LINGO2: variants seen among roughly 807,000 people sequenced by gnomAD.
LINGO2 encodes leucine rich repeat and Ig domain containing 2.
LINGO2 carries 14 observed loss-of-function variants against 30.6 expected under a neutral mutation model. That is an observed-to-expected ratio of 0.46 (90% CI 0.30 to 0.72). The LOEUF is 0.72. Ranked by LOEUF, LINGO2 falls within the 30% of genes least tolerant of loss-of-function variation. The pLI is 0.07. For missense variants in LINGO2, 729 were observed against 751.7 expected (o/e 0.97, Z 0.35); for synonymous variants, 317 against 288.5 (o/e 1.10, Z -1.00).
the LINGO2 span, among the ~76,000 whole-genome samples, chr9:28,928,352 G>C: frequency 2.0e-5 from 3 of 152,148 alleles, no homozygotes; most frequent in East Asian, 5.8e-4. Context: ...CTTTAAATTA[G>C]TATCAATATT....
In LINGO2 at chr9:28,172,167, G is replaced by A. The variant is rs553517946; in HGVS notation, c.-87+123041C>T. ...AGCACTTTGGGAGGCCGAGGCGGGC[G>A]GATCACGAGGTCAGGAGATCGAGAC... On this transcript the variant is annotated intron_variant, in intron 4 of 5. Transcript: ENST00000379992. Among the ~76,000 whole-genome samples, 32 of 151,086 alleles carry A rather than the reference G, an allele frequency of 2.1e-4. No homozygotes were observed. The South Asian group carries it at 4.2e-3, about 20-fold the overall frequency.
the LINGO2 span, among the ~76,000 whole-genome samples, chr9:29,122,597 T>A: frequency 2.6e-5 from 4 of 152,184 alleles, no homozygotes; most frequent in Non-Finnish European, 4.4e-5. Flanking sequence ...AACATCATAA[T>A]CTTTTTATTT....
the LINGO2 span, among the ~76,000 whole-genome samples, chr9:29,028,012 C>A: frequency 6.6e-6 from 1 of 152,218 alleles, no homozygotes; most frequent in South Asian, 2.1e-4. Flanking sequence ...CCTGATAATT[C>A]AGGCAAATAG....
chr9:28,364,973 G>C, intron 3 of LINGO2, among the ~76,000 whole-genome samples: 1 of 152,094 alleles, frequency 6.6e-6, no homozygotes, highest in Middle Eastern at 3.2e-3. Flanking sequence ...AGAAGAATAG[G>C]ATGCTTTTAT....
chr9:28,894,263 A>G, the LINGO2 span, among the ~76,000 whole-genome samples: 1 of 152,100 alleles, frequency 6.6e-6, no homozygotes. Flanking sequence ...TTGGGTATAT[A>G]CCCAGTTTGA....
chr9:29,033,381 T>C, the LINGO2 span, among the ~76,000 whole-genome samples: 1 of 147,408 alleles, frequency 6.8e-6, no homozygotes, highest in African/African-American at 2.5e-5. Context: ...TGCTTTACTA[T>C]ATATATATAT....
the LINGO2 span, among the ~76,000 whole-genome samples, chr9:28,757,242 A>G: frequency 6.6e-6 from 1 of 152,008 alleles, no homozygotes; most frequent in Non-Finnish European, 1.5e-5. Flanking sequence ...TATGACTCAG[A>G]TGTCAATTTT....
At chr9:28,486,135 T>G (rs761753849) in intron 1 of LINGO2, among the ~76,000 whole-genome samples, 1 of 152,094 alleles carries the variant, frequency 6.6e-6, no homozygotes, top group Non-Finnish European at 1.5e-5. Flanking sequence ...GCTGAGGATA[T>G]CCTTCTAATG....
the LINGO2 span, among the ~76,000 whole-genome samples, chr9:28,739,684 C>T: frequency 1.3e-5 from 2 of 151,590 alleles, no homozygotes; most frequent in African/African-American, 4.8e-5. Flanking sequence ...ATCTCAGAAC[C>T]TTTATCAAAA....
At chr9:28,063,455 G>A (rs1825218562) in intron 4 of LINGO2, among the ~76,000 whole-genome samples, 1 of 150,978 alleles carries the variant, frequency 6.6e-6, no homozygotes, top group African/African-American at 2.4e-5. Flanking sequence ...TTAAAGACAA[G>A]GTCTTGATAT....
At chr9:28,846,143 T>C in the LINGO2 span, among the ~76,000 whole-genome samples, 1 of 151,676 alleles carries the variant, frequency 6.6e-6, no homozygotes, top group Non-Finnish European at 1.5e-5. Context: ...CAGTAGAGAA[T>C]CCCTCAGAGA....
the LINGO2 span, among the ~76,000 whole-genome samples, chr9:28,709,545 A>G: frequency 6.6e-6 from 1 of 152,030 alleles, no homozygotes; most frequent in Non-Finnish European, 1.5e-5. Context: ...TTTACTTCAA[A>G]TCAAATGCAA....
At chr9:28,120,961 T>G (rs747708051) in intron 4 of LINGO2, among the ~76,000 whole-genome samples, 1 of 152,170 alleles carries the variant, frequency 6.6e-6, no homozygotes, top group Non-Finnish European at 1.5e-5. Flanking sequence ...AAACAAACTC[T>G]TATCATACAC....
intron 2 of LINGO2, among the ~76,000 whole-genome samples, chr9:28,436,871 A>G (rs1460370257): frequency 6.6e-6 from 1 of 152,208 alleles, no homozygotes; most frequent in East Asian, 1.9e-4. Flanking sequence ...TGATAGGGCA[A>G]GGGTAAGGAA....
intron 2 of LINGO2, among the ~76,000 whole-genome samples, chr9:28,413,138 C>A (rs968945860): frequency 3.9e-5 from 6 of 151,968 alleles, no homozygotes; most frequent in African/African-American, 1.2e-4. Context: ...TATTAATAAG[C>A]CTTCCAGATA....
the LINGO2 span, among the ~76,000 whole-genome samples, chr9:29,087,479 C>T: frequency 6.6e-6 from 1 of 152,096 alleles, no homozygotes. Context: ...GGTAACTTTC[C>T]CATGAGTGTT....
intron 5 of LINGO2, among the ~76,000 whole-genome samples, chr9:27,953,333 T>TTATA (rs1416254513): frequency 6.6e-6 from 1 of 152,324 alleles, no homozygotes; most frequent in East Asian, 1.9e-4. Flanking sequence ...ACATGTTTGT[T>TTATA]ACAGATTTGT....
intron 1 of LINGO2, among the ~76,000 whole-genome samples, chr9:28,634,305 C>T (rs1195668258): frequency 1.3e-5 from 2 of 151,934 alleles, no homozygotes; most frequent in African/African-American, 4.8e-5. Context: ...ATCTAATGAG[C>T]ATTTAAATTT....
rs1317372375 is a variant in LINGO2, at chr9:28,032,037, G to A, written c.-86-19632C>T. ...CTAGCAGTCTGCTGACTCAAAATGA[G>A]GGGTGGGGGGGGAAAGCCTCACTGG... On this transcript the variant is annotated intron_variant, in intron 4 of 5. Transcript: ENST00000379992. 5.6e-5 allele frequency among the ~76,000 whole-genome samples: 8 copies of A among 142,194 alleles called. No individual in the cohort carries two copies. The South Asian group carries it at 1.9e-3, about 34-fold the overall frequency. 93.3% of individuals were successfully genotyped at this position (142,194 alleles called of 152,430 possible). A position where few individuals can be genotyped will look rare whatever the true frequency, so the allele number is the denominator to read the frequency against.
Sources: gnomAD v4.1 joint callset for allele counts (sites outside exome capture counted in the v4.1 genomes callset) on GRCh38, gnomAD v4.1.1 for gene constraint, MANE v1.5 for transcripts, NCBI Gene and HGNC (gene_info 2026-07-23, HGNC 2026-07-21) for gene names.